Variants in HSF5 observed in about 807,000 individuals in gnomAD.
HSF5 encodes the protein heat shock transcription factor 5.
Under a neutral mutation model 50.8 loss-of-function variants are expected in HSF5, and 5 were observed. That is an observed-to-expected ratio of 0.10 (90% confidence interval 0.05 to 0.21). The LOEUF is 0.21. Among genes scored for constraint, HSF5 ranks in the 10% least tolerant of loss-of-function variants. The probability of loss-of-function intolerance (pLI) is 1.00; values close to 1 mark genes in which losing one functional copy is unlikely to be tolerated. For synonymous variants in HSF5, 307 were observed against 307.4 expected, an observed-to-expected ratio of 1.00 and a Z score of 0.02; for missense variants, 564 against 762.6, an observed-to-expected ratio of 0.74 and a Z score of 3.07.
chr17:58,432,233 A>G (rs970533283), intron 5 of HSF5, among the ~76,000 whole-genome samples: 29 of 152,216 alleles, frequency 1.9e-4, no homozygotes, highest in African/African-American at 7.0e-4. Context: ...TCCTGGGGAT[A>G]CAACAATGGG....
At chr17:58,476,971 G>C (rs1975020526) in intron 2 of HSF5, 1 of 626,964 alleles carries the variant, frequency 1.6e-6, no homozygotes, top group African/African-American at 1.8e-5. Context: ...TGGGAGACGG[G>C]GGCGGGGGAA....
At chr17:58,468,148 G>A (rs776847296) in intron 2 of HSF5, among the ~76,000 whole-genome samples, 2 of 152,054 alleles carry the variant, frequency 1.3e-5, no homozygotes, top group Admixed American at 6.6e-5. Context: ...CTGTAGTCCC[G>A]GCACTTTGAG....
At chr17:58,442,022 T>C (rs1974505042) in intron 5 of HSF5, among the ~76,000 whole-genome samples, 1 of 152,234 alleles carries the variant, frequency 6.6e-6, no homozygotes, top group Non-Finnish European at 1.5e-5. Flanking sequence ...AATTTCATAA[T>C]ACTCAAGAGA....
intron 5 of HSF5, among the ~76,000 whole-genome samples, chr17:58,423,603 C>A (rs1322896208): frequency 1.3e-5 from 2 of 151,680 alleles, no homozygotes; most frequent in East Asian, 3.9e-4. Context: ...CCTCAGCCTC[C>A]CAAGTAGCTG....
chr17:58,474,114 T>G (rs1008681621), intron 2 of HSF5, among the ~76,000 whole-genome samples: 8 of 152,188 alleles, frequency 5.3e-5, no homozygotes, highest in African/African-American at 1.9e-4. Context: ...GATACTCTAT[T>G]TAATTTTGGT....
intron 3 of HSF5, among the ~76,000 whole-genome samples, chr17:58,466,390 T>C (rs1407027506): frequency 6.6e-6 from 1 of 152,246 alleles, no homozygotes; most frequent in East Asian, 1.9e-4. Context: ...GTATTCATTT[T>C]ACCTTGGAAA....
In HSF5 at chr17:58,454,627, T is replaced by G. The variant is rs562071656; in HGVS notation, c.1720+4141A>C. ...AAAAATTGGAACTAATAAATGAATT[T>G]AGTAAAGTTGCAGGATACAAAATCA... is the stretch of plus-strand genomic sequence containing the variant. On this transcript the variant is annotated intron_variant, in intron 5 of 5. Coordinates refer to ENST00000323777, the MANE Select transcript of HSF5 (RefSeq NM_001080439.3). Among the ~76,000 whole-genome samples, 7 of 152,328 alleles carry G rather than the reference T, an allele frequency of 4.6e-5. No individual in the cohort carries two copies. In the South Asian group the frequency reaches 1.4e-3, roughly 32 times the overall value.
At chr17:58,458,689 AC>A (rs1360212329) in intron 5 of HSF5, 78 bp downstream of exon 5, 1 of 1,167,478 alleles carries the variant, frequency 8.6e-7, no homozygotes, top group East Asian at 2.4e-5. Context: ...ATAAATGGAG[AC>A]CCAGAAAAAA....
At chr17:58,426,874 A>T (rs1289087027) in intron 5 of HSF5, among the ~76,000 whole-genome samples, 1 of 152,216 alleles carries the variant, frequency 6.6e-6, no homozygotes, top group Non-Finnish European at 1.5e-5. Context: ...CAGTGGCTGT[A>T]ATGGATAACC....
chr17:58,449,006 AG>A (rs879544360), intron 5 of HSF5, among the ~76,000 whole-genome samples: 9 of 152,194 alleles, frequency 5.9e-5, no homozygotes, highest in Non-Finnish European at 1.3e-4. Flanking sequence ...ATAGAGTTTA[AG>A]GGTTTCTTGT....
chr17:58,460,741 C>T (rs897701937), intron 4 of HSF5, among the ~76,000 whole-genome samples: 18 of 151,570 alleles, frequency 1.2e-4, no homozygotes, highest in African/African-American at 4.4e-4. Flanking sequence ...GATCTCCTGA[C>T]CTCATGATCT....
chr17:58,439,727 G>T (rs149339817), intron 5 of HSF5, among the ~76,000 whole-genome samples: 1 of 152,036 alleles, frequency 6.6e-6, no homozygotes, highest in Admixed American at 6.6e-5. Context: ...CAGGTGATCC[G>T]CCCGCCTTGG....
In HSF5 at chr17:58,454,856, G is replaced by A. The variant is rs188396853; in HGVS notation, c.1720+3912C>T. 2.0e-4 allele frequency among the ~76,000 whole-genome samples: 30 copies of A among 152,258 alleles called. 1 individual carries two copies. Among genetic ancestry groups the A allele is most frequent in the South Asian group, 8.3e-4 (4 of 4,822 alleles). ...ACAAATAAATAAATGGAAGGATATC[G>A]CATGTGCATGGATTGGAAGATTATT... On this transcript the variant is annotated intron_variant, in intron 5 of 5. Coordinates refer to ENST00000323777, the MANE Select transcript of HSF5 (RefSeq NM_001080439.3).
chr17:58,426,642 G>A (rs1974299689), intron 5 of HSF5, among the ~76,000 whole-genome samples: 1 of 152,118 alleles, frequency 6.6e-6, no homozygotes, highest in Admixed American at 6.5e-5. Context: ...ATTGAACTTT[G>A]CTCTTAAACA....
chr17:58,458,562 G>A (rs1470909918), intron 5 of HSF5, among the ~76,000 whole-genome samples: 1 of 152,050 alleles, frequency 6.6e-6, no homozygotes, highest in Admixed American at 6.6e-5. Context: ...ATCATTATAT[G>A]CAATATTAAG....
intron 5 of HSF5, among the ~76,000 whole-genome samples, chr17:58,427,071 G>A (rs551180602): frequency 7.2e-4 from 109 of 152,012 alleles, no homozygotes; most frequent in Non-Finnish European, 1.2e-3. Context: ...AGGCAACATG[G>A]TGAAACCCTG....
intron 1 of HSF5, among the ~76,000 whole-genome samples, chr17:58,482,532 A>C (rs1180541493): frequency 6.6e-6 from 1 of 151,768 alleles, no homozygotes; most frequent in Non-Finnish European, 1.5e-5. Context: ...AACATGGAGA[A>C]ACCCCGTCTC....
chr17:58,450,956 G>A (rs1974632900), intron 5 of HSF5, among the ~76,000 whole-genome samples: 1 of 151,842 alleles, frequency 6.6e-6, no homozygotes, highest in East Asian at 1.9e-4. Flanking sequence ...GGGCATGGTG[G>A]TGGGCGCCTG....
At chr17:58,487,215 T>C (rs915567152) in intron 1 of HSF5, among the ~76,000 whole-genome samples, 2 of 152,212 alleles carry the variant, frequency 1.3e-5, no homozygotes, top group African/African-American at 4.8e-5. Context: ...CGTAATGTTC[T>C]AAATTCTCTT....
Sources: allele counts gnomAD v4.1 joint callset (sites outside exome capture counted in the v4.1 genomes callset), GRCh38; gene constraint gnomAD v4.1.1; transcripts MANE v1.5; gene names NCBI Gene and HGNC (gene_info 2026-07-23, HGNC 2026-07-21).